Variants in ZNF660 observed in about 807,000 individuals in gnomAD.
ZNF660 encodes the protein zinc finger protein 660.
A neutral mutation model predicts 23.2 loss-of-function variants in ZNF660; 24 were observed. That is an observed-to-expected ratio of 1.04 (90% CI 0.75 to 1.46). The LOEUF is 1.46. Among genes scored for constraint, ZNF660 ranks in the 40% most tolerant of loss-of-function variants. ZNF660 has a pLI of 0.00. For synonymous variants in ZNF660, 117 were observed against 131.4 expected, an observed-to-expected ratio of 0.89 and a Z score of 0.75; for missense variants, 373 against 396.8, an observed-to-expected ratio of 0.94 and a Z score of 0.51.
At chr3:44,590,078 C>T (rs1452980293) in intron 2 of ZNF660, among the ~76,000 whole-genome samples, 1 of 151,314 alleles carries the variant, frequency 6.6e-6, no homozygotes, top group South Asian at 2.1e-4. Context: ...TGCTCCCTCC[C>T]TCCCCTAGTC....
rs1700574464 is a variant in ZNF660 at position 44,595,258 on chromosome 3, T to C, written c.*69T>C. ...AAAAGTAGTTCTTTAGTATCAACTT[T>C]AATTCTACTTCTAAGAATCATACTC... On this transcript the variant is annotated 3_prime_UTR_variant, in exon 3 of 3. Coordinates refer to ENST00000322734, the MANE Select transcript of ZNF660 (RefSeq NM_173658.4). 1.4e-6 allele frequency: 2 copies of C among 1,458,054 alleles called. No homozygotes were observed. Among genetic ancestry groups the C allele is most frequent in the East Asian group, 4.6e-5 (2 of 43,572 alleles). The allele number at this position is 1,458,054 out of a possible 1,614,324, so 90.3% of individuals were successfully genotyped here. A position where few individuals can be genotyped will look rare whatever the true frequency, so the allele number is the denominator to read the frequency against.
rs1256096123 is a variant in ZNF660, at chr3:44,594,819, A to G, written c.626A>G (p.Gln209Arg). The G allele has an allele frequency of 6.2e-7, 1 of 1,614,234 alleles. No homozygotes were observed. Among genetic ancestry groups the G allele is most frequent in the East Asian group, 2.2e-5 (1 of 44,888 alleles). The change falls in exon 3 of 3, where the codon CAG (glutamine) becomes CGG (arginine). Residue 209 changes from glutamine (Q) to arginine (R), a missense_variant. By Grantham distance (43) the Gln-to-Arg change is conservative. Transcript: ENST00000322734. ...CGSNTKIMDHQRIHTGEKPYE... is the reference protein window; with the variant it reads ...CGSNTKIMDHRRIHTGEKPYE... ...TCTAATACAAAGATTATGGACCATC[A>G]GAGAATTCACACTGGAGAGAAGCCT...
intron 2 of ZNF660, among the ~76,000 whole-genome samples, chr3:44,590,196 T>C (rs1575401072): frequency 6.6e-6 from 1 of 151,990 alleles, no homozygotes; most frequent in Non-Finnish European, 1.5e-5. Context: ...ATTTCATGCT[T>C]GTATTAGTGT....
At position 44,599,442 on chromosome 3, in the gene ZNF660, A is replaced by T. The variant is rs1442035395; in HGVS notation, c.*4253A>T. ...AACAGCTTTAAGTAACTGAGTAATTAGGATTAATTAGTAGCTGTTGAATCT... is the reference window on the plus strand; with the variant it reads ...AACAGCTTTAAGTAACTGAGTAATTTGGATTAATTAGTAGCTGTTGAATCT... On this transcript the variant is annotated 3_prime_UTR_variant, in exon 3 of 3. Coordinates refer to ENST00000322734, the MANE Select transcript of ZNF660 (RefSeq NM_173658.4). 1.3e-5 allele frequency: 2 copies of T among 152,224 alleles called. No homozygotes were observed. Among genetic ancestry groups the T allele is most frequent in the Non-Finnish European group, 2.9e-5 (2 of 68,030 alleles). 9.4% of individuals were successfully genotyped at this position (152,224 alleles called of 1,614,324 possible).
At chr3:44,591,825 T>G (rs1361553883) in intron 2 of ZNF660, among the ~76,000 whole-genome samples, 2 of 152,150 alleles carry the variant, frequency 1.3e-5, no homozygotes, top group Non-Finnish European at 2.9e-5. Flanking sequence ...CGAAATACCA[T>G]TTCTACTTAA....
chr3:44,591,356 T>G (rs567094809), intron 2 of ZNF660, among the ~76,000 whole-genome samples: 294 of 152,282 alleles, frequency 1.9e-3, no homozygotes, highest in Non-Finnish European at 3.1e-3. Context: ...CTCAAACTTT[T>G]GGGCCCAAGT....
At chr3:44,587,453 C>A (rs1320076546) in intron 2 of ZNF660, among the ~76,000 whole-genome samples, 3 of 152,136 alleles carry the variant, frequency 2.0e-5, no homozygotes. Context: ...GCCTAGATAC[C>A]CCTAGTGTCC....
chr3:44,593,055 A>G (rs75785657), intron 2 of ZNF660, among the ~76,000 whole-genome samples: 4 of 141,646 alleles, frequency 2.8e-5, no homozygotes, highest in African/African-American at 7.9e-5. Context: ...TCCGTCTCAG[A>G]AAAAAAAAAA....
rs1700539032 is a variant in ZNF660, at chr3:44,594,427, T to C, written c.234T>C (p.Tyr78=). Residue 78 remains tyrosine, a synonymous_variant, in exon 3 of 3, where the codon TAT becomes TAC. Coordinates refer to ENST00000322734, the MANE Select transcript of ZNF660 (RefSeq NM_173658.4). ...HERIHTGEKP[Y]KCKECGKAFS... ...GAATCCACACGGGAGAGAAACCCTA[T>C]AAGTGTAAGGAGTGTGGAAAAGCTT... 1.9e-6 allele frequency: 3 copies of C among 1,613,618 alleles called. No homozygotes were observed. The African/African-American group carries it at 4.0e-5, about 22-fold the overall frequency.
At chr3:44,587,637 C>T (rs1700268954) in intron 2 of ZNF660, among the ~76,000 whole-genome samples, 1 of 152,228 alleles carries the variant, frequency 6.6e-6, no homozygotes, top group African/African-American at 2.4e-5. Flanking sequence ...CTTTGATCTC[C>T]TGTCTGGTCC....
Position 44,593,996 on chromosome 3 carries a change from T to G in ZNF660, c.-180-18T>G. On this transcript the variant is annotated intron_variant, in intron 2 of 2. Transcript: ENST00000322734. ...ACAGAGAATAGGTGACATGTGCAAT[T>G]TCTGTTTCTCCTGTCAGATGGTGAA... is the stretch of plus-strand genomic sequence containing the variant. 1 of 715,904 alleles carries G rather than the reference T, an allele frequency of 1.4e-6. No individual in the cohort carries two copies. 44.3% of individuals were successfully genotyped at this position (715,904 alleles called of 1,614,324 possible).
chr3:44,588,757 C>T (rs747308013), intron 2 of ZNF660, among the ~76,000 whole-genome samples: 4 of 152,148 alleles, frequency 2.6e-5, no homozygotes, highest in Non-Finnish European at 5.9e-5. Context: ...AGGAGTGAGC[C>T]ACCGTGCCCG....
chr3:44,593,951 A>G (rs1575407111), intron 2 of ZNF660, 63 bp from the exon 3 acceptor site: 2 of 607,434 alleles, frequency 3.3e-6, no homozygotes, highest in Non-Finnish European at 3.1e-6. Context: ...TTGTCCGTGG[A>G]TAGATCTCCT....
chr3:44,586,972 A>G (rs963768348), intron 2 of ZNF660, among the ~76,000 whole-genome samples: 2 of 152,202 alleles, frequency 1.3e-5, no homozygotes, highest in African/African-American at 2.4e-5. Context: ...TAGATTTGTT[A>G]TGGCATTTTT....
rs1050126973 is a variant in ZNF660, at chr3:44,598,811, A to G, written c.*3622A>G. On this transcript the variant is annotated 3_prime_UTR_variant, in exon 3 of 3. Coordinates refer to ENST00000322734, the MANE Select transcript of ZNF660 (RefSeq NM_173658.4). ...TCTCTCAACTCATGTACCTCTCTGT[A>G]CTGCCATTTCTTCTCTCTTCTCCAT... is the stretch of plus-strand genomic sequence containing the variant. 6.6e-6 allele frequency: 1 copy of G among 152,182 alleles called. No homozygotes were observed. The highest frequency in any genetic ancestry group is 1.5e-5 in the Non-Finnish European group (1 of 68,110). The allele number at this position is 152,182 out of a possible 1,614,324, so 9.4% of individuals were successfully genotyped here.
Position 44,594,708 on chromosome 3 carries a change from G to A in ZNF660, c.515G>A (p.Ser172Asn), listed in dbSNP as rs1700550801. The A allele has an allele frequency of 1.2e-6, 2 of 1,614,006 alleles. No individual in the cohort carries two copies. The highest frequency in any genetic ancestry group is 2.7e-5 in the African/African-American group (2 of 74,896). ...YSCIECGKAF[S>N]RSSNLTQHQR... Reference sequence around the variant, plus strand: ...TGTATTGAGTGTGGGAAAGCCTTTAGCCGTAGTTCAAACCTTACTCAACAT... The same window carrying A: ...TGTATTGAGTGTGGGAAAGCCTTTAACCGTAGTTCAAACCTTACTCAACAT... The change falls in exon 3 of 3, where the codon AGC (serine) becomes AAC (asparagine). Residue 172 changes from serine (S) to asparagine (N), a missense_variant. Transcript: ENST00000322734.
chr3:44,591,858 G>A (rs1249458667), intron 2 of ZNF660, among the ~76,000 whole-genome samples: 1 of 152,210 alleles, frequency 6.6e-6, no homozygotes, highest in African/African-American at 2.4e-5. Context: ...CTAGCCAGGC[G>A]TGGTGGCAGA....
chr3:44,587,742 GCTATT>G (rs748932027), intron 2 of ZNF660, among the ~76,000 whole-genome samples: 17 of 152,286 alleles, frequency 1.1e-4, no homozygotes, highest in Non-Finnish European at 2.1e-4. Context: ...TTTGTGTTAG[GCTATT>G]CTTGTGTTGC....
chr3:44,592,850 G>A (rs1468729448), intron 2 of ZNF660, among the ~76,000 whole-genome samples: 2 of 151,986 alleles, frequency 1.3e-5, no homozygotes, highest in Admixed American at 6.5e-5. Context: ...TCAGGAGATC[G>A]AGACCATCCT....
Sources: gnomAD v4.1 joint callset for allele counts (sites outside exome capture counted in the v4.1 genomes callset) on GRCh38, gnomAD v4.1.1 for gene constraint, MANE v1.5 for transcripts, NCBI Gene and HGNC (gene_info 2026-07-23, HGNC 2026-07-21) for gene names.